SLC34A2: variants seen among roughly 807,000 people sequenced by gnomAD.
SLC34A2 encodes sodium-dependent phosphate transport protein 2B.
Under a neutral mutation model 50.8 loss-of-function variants are expected in SLC34A2, and 41 were observed. The observed-to-expected ratio is 0.81, with a 90% CI of 0.63 to 1.05. The LOEUF is 1.05. Among genes scored for constraint, SLC34A2 ranks in the 50% least tolerant of loss-of-function variants. The pLI, the probability that SLC34A2 is intolerant of heterozygous loss-of-function variation, is 0.00. For synonymous variants in SLC34A2, 401 were observed against 364.2 expected (o/e 1.10, Z -1.15); for missense variants, 879 against 876.7 (o/e 1.00, Z -0.03).
rs772666393 is a variant in SLC34A2 at position 25,676,649 on chromosome 4, C to A, written c.1973C>A (p.Pro658His). The A allele has an allele frequency of 6.2e-6, 10 of 1,614,084 alleles. No homozygotes were observed. In the South Asian group the frequency reaches 9.9e-5, roughly 16 times the overall value. The change falls in exon 13 of 13, where the codon CCT becomes CAT. Residue 658 changes from proline to histidine, a missense_variant. Transcript: ENST00000382051. ...LEEAQEGQDV[P>H]VKAPETFDNI... ...GAGGCGCAGGAGGGGCAGGATGTCCCTGTCAAGGCTCCTGAGACCTTTGAT... is the reference window on the plus strand; with the variant it reads ...GAGGCGCAGGAGGGGCAGGATGTCCATGTCAAGGCTCCTGAGACCTTTGAT...
At chr4:25,673,309 G>C in intron 10 of SLC34A2, 55 bp downstream of exon 10, 1 of 1,447,130 alleles carries the variant, frequency 6.9e-7, no homozygotes, top group Non-Finnish European at 9.7e-7. Context: ...CATGGGGTGT[G>C]GGGGTCCTTT....
intron 6 of SLC34A2, among the ~76,000 whole-genome samples, chr4:25,668,412 G>C (rs1470887521): frequency 6.6e-6 from 1 of 152,204 alleles, no homozygotes. Flanking sequence ...CAGCACTCTG[G>C]GAGGCCCAGG....
rs112603024 is a variant in SLC34A2 at position 25,674,286 on chromosome 4, T to C, written c.1217-10T>C. 3 of 1,611,028 alleles carry C rather than the reference T, an allele frequency of 1.9e-6. No individual in the cohort carries two copies. Among genetic ancestry groups the C allele is most frequent in the South Asian group, 2.2e-5 (2 of 91,040 alleles). On this transcript the variant is annotated splice_polypyrimidine_tract_variant and intron_variant, in intron 10 of 12. Coordinates refer to ENST00000382051, the MANE Select transcript of SLC34A2 (RefSeq NM_006424.3). ...GAGAGGCCATGACATCTCTTCCTTC[T>C]GTCTTCCAGATTTCCCCTTTCCCTT...
Position 25,662,709 on chromosome 4 carries a change from T to C in SLC34A2, c.117T>C (p.Asp39=). The C allele has an allele frequency of 6.2e-7, 1 of 1,614,080 alleles. No individual in the cohort carries two copies. Among genetic ancestry groups the C allele is most frequent in the Non-Finnish European group, 8.5e-7 (1 of 1,180,010 alleles). Residue 39 remains aspartate, a synonymous_variant, in exon 3 of 13, where the codon GAT becomes GAC. Coordinates refer to ENST00000382051, the MANE Select transcript of SLC34A2 (RefSeq NM_006424.3). ...PDKSKETNKT[D]NTEAPVTKIE... is the part of the protein sequence containing the mutation. ...TACCCCTTTTGCTTGTTTCAGCAGA[T>C]AACACTGAGGCACCTGTAACCAAGA...
At chr4:25,662,681 C>T in intron 2 of SLC34A2, 24 bp from the exon 3 acceptor site, 1 of 1,614,124 alleles carries the variant, frequency 6.2e-7, no homozygotes, top group Non-Finnish European at 8.5e-7. Flanking sequence ...TCTGATTCCT[C>T]ATTACCCCTT....
At chr4:25,667,285 G>A (rs1221138915) in intron 5 of SLC34A2, among the ~76,000 whole-genome samples, 1 of 152,192 alleles carries the variant, frequency 6.6e-6, no homozygotes, top group African/African-American at 2.4e-5. Context: ...GCTGAGGTGG[G>A]AGGCTCACCT....
intron 1 of SLC34A2, among the ~76,000 whole-genome samples, chr4:25,660,703 G>A (rs917469516): frequency 1.3e-5 from 2 of 152,026 alleles, no homozygotes; most frequent in Non-Finnish European, 2.9e-5. Context: ...ATGCCACCAC[G>A]CCTGGCTAAT....
intron 9 of SLC34A2, 141 bp downstream of exon 9, chr4:25,671,862 T>C: frequency 2.5e-6 from 3 of 1,191,566 alleles, no homozygotes; most frequent in Non-Finnish European, 2.5e-6. Context: ...GTGAGCAACA[T>C]GCTTTCACAG....
Position 25,658,307 on chromosome 4 carries a change from C to G in SLC34A2, c.-4+2417C>G, listed in dbSNP as rs1713995595. Among the ~76,000 whole-genome samples, 4 of 152,254 alleles carry G rather than the reference C, an allele frequency of 2.6e-5. No homozygotes were observed. The South Asian group carries it at 8.3e-4, about 32-fold the overall frequency. Reference sequence around the variant, plus strand: ...GGGATACAATGGCCATACTCTAGTCCCTGTGCTTGTGAAGGCTGCCATTCT... The same window carrying G: ...GGGATACAATGGCCATACTCTAGTCGCTGTGCTTGTGAAGGCTGCCATTCT... On this transcript the variant is annotated intron_variant, in intron 1 of 12. Coordinates refer to ENST00000382051, the MANE Select transcript of SLC34A2 (RefSeq NM_006424.3).
intron 5 of SLC34A2, among the ~76,000 whole-genome samples, chr4:25,666,658 G>A (rs575347261): frequency 6.6e-6 from 1 of 152,308 alleles, no homozygotes; most frequent in Middle Eastern, 3.4e-3. Context: ...CATGTGGCTG[G>A]CTGGCAGCTA....
intron 8 of SLC34A2, 27 bp downstream of exon 8, chr4:25,670,860 C>T (rs567904509): frequency 1.2e-5 from 19 of 1,557,820 alleles, no homozygotes; most frequent in African/African-American, 6.8e-5. Context: ...ATTCCCGGGG[C>T]GGGGAGTGAA....
chr4:25,667,426 C>A (rs542031104), intron 5 of SLC34A2, among the ~76,000 whole-genome samples: 3 of 152,322 alleles, frequency 2.0e-5, no homozygotes, highest in African/African-American at 7.2e-5. Context: ...GCAAGAGAAT[C>A]ACTTTAACCT....
chr4:25,659,640 C>T (rs1030157753), intron 1 of SLC34A2, among the ~76,000 whole-genome samples: 1 of 152,116 alleles, frequency 6.6e-6, no homozygotes, highest in African/African-American at 2.4e-5. Context: ...CTCATAACAG[C>T]TCAGTAAGCA....
intron 9 of SLC34A2, among the ~76,000 whole-genome samples, chr4:25,672,827 A>G (rs10084812): frequency 0.029 from 4,352 of 151,934 alleles, 179 homozygotes; most frequent in African/African-American, 0.096. Flanking sequence ...GGCTGAGTCT[A>G]CCCCTGAACA....
At chr4:25,670,340 A>G (rs1484004945) in intron 7 of SLC34A2, among the ~76,000 whole-genome samples, 4 of 152,230 alleles carry the variant, frequency 2.6e-5, no homozygotes, top group Non-Finnish European at 5.9e-5. Context: ...TTTGACTTCC[A>G]TAACATGCCA....
Position 25,676,460 on chromosome 4 carries a change from T to C in SLC34A2, c.1784T>C (p.Leu595Pro), listed in dbSNP as rs138158613. The stretch of plus-strand genomic sequence containing the variant: ...CTCCAGAACTGGAACTTCCTGCCGC[T>C]GTGGATGCGCTCGCTGAAGCCCTGG... ...KKLQNWNFLP[L>P]WMRSLKPWDA... is the part of the protein sequence containing the mutation. The change falls in exon 13 of 13, where the codon CTG becomes CCG. Residue 595 changes from leucine to proline, a missense_variant. Physicochemically the swap from Leu to Pro is moderately conservative, Grantham distance 98. Coordinates refer to ENST00000382051, the MANE Select transcript of SLC34A2 (RefSeq NM_006424.3). 5.2e-5 allele frequency: 84 copies of C among 1,614,066 alleles called. No homozygotes were observed. Among genetic ancestry groups the C allele is most frequent in the Non-Finnish European group, 4.6e-5 (54 of 1,180,046 alleles).
rs374543043 is a variant in SLC34A2 at position 25,676,525 on chromosome 4, C to T, written c.1849C>T (p.Arg617Cys). 2.1e-5 allele frequency: 34 copies of T among 1,613,560 alleles called. No homozygotes were observed. Among genetic ancestry groups the T allele is most frequent in the Non-Finnish European group, 2.9e-5 (34 of 1,179,734 alleles). Residue 617 changes from arginine to cysteine, a missense_variant, in exon 13 of 13, where the codon CGC becomes TGC. Physicochemically the swap from Arg to Cys is radical, Grantham distance 180 (BLOSUM62 -3). Transcript: ENST00000382051. Reference sequence around the variant, plus strand: ...CAAGTTCACCGGCTGCTTCCAGATGCGCTGCTGCTGCTGCTGCCGCGTGTG... The same window carrying T: ...CAAGTTCACCGGCTGCTTCCAGATGTGCTGCTGCTGCTGCTGCCGCGTGTG... Reference protein sequence around the residue: ...VSKFTGCFQMRCCCCCRVCCR... With the variant: ...VSKFTGCFQMCCCCCCRVCCR...
chr4:25,676,839 G>C lies in SLC34A2; in HGVS notation c.*90G>C. The C allele has an allele frequency of 1.3e-6, 2 of 1,566,356 alleles. No homozygotes were observed. The highest frequency in any genetic ancestry group is 1.7e-6 in the Non-Finnish European group (2 of 1,144,898). ...CACTTCTGCACCCTTTCACCACCTC[G>C]AGGAGATTTGCTCCCCATTAGCGAA... On this transcript the variant is annotated 3_prime_UTR_variant, in exon 13 of 13. Coordinates refer to ENST00000382051, the MANE Select transcript of SLC34A2 (RefSeq NM_006424.3).
At chr4:25,658,704 T>C (rs1714015982) in intron 1 of SLC34A2, among the ~76,000 whole-genome samples, 1 of 152,186 alleles carries the variant, frequency 6.6e-6, no homozygotes, top group Admixed American at 6.5e-5. Flanking sequence ...CCCTGGGCTT[T>C]AGTAAAAAGC....
Sources: gnomAD v4.1 joint callset for allele counts (sites outside exome capture counted in the v4.1 genomes callset) on GRCh38, gnomAD v4.1.1 for gene constraint, MANE v1.5 for transcripts, NCBI Gene and HGNC (gene_info 2026-07-23, HGNC 2026-07-21) for gene names.